The following TMEM108 variants were observed in gnomAD, a reference collection of about 807,000 sequenced individuals.
TMEM108 encodes transmembrane protein 108.
A neutral mutation model predicts 35.1 loss-of-function variants in TMEM108; 12 were observed. The observed-to-expected ratio is 0.34, with a 90% CI of 0.22 to 0.55. The LOEUF (loss-of-function observed/expected upper bound fraction) is 0.55. Among genes scored for constraint, TMEM108 ranks in the 20% least tolerant of loss-of-function variants. TMEM108 has a pLI of 0.89. For synonymous variants in TMEM108, 287 were observed against 308.6 expected (o/e 0.93, Z 0.73); for missense variants, 680 against 753.3 (o/e 0.90, Z 1.14).
intron 3 of TMEM108, among the ~76,000 whole-genome samples, chr3:133,239,222 T>G (rs984833653): frequency 1.3e-5 from 2 of 152,210 alleles, no homozygotes; most frequent in African/African-American, 4.8e-5. Flanking sequence ...TTTAGTGGCG[T>G]AGACCAGTTC....
intron 2 of TMEM108, among the ~76,000 whole-genome samples, chr3:133,056,817 A>G (rs1943471026): frequency 6.6e-6 from 1 of 152,216 alleles, no homozygotes. Flanking sequence ...TTTCATGGCC[A>G]CTGTCTGCAA....
chr3:133,231,170 A>G (rs1279749989), intron 3 of TMEM108, among the ~76,000 whole-genome samples: 12 of 152,236 alleles, frequency 7.9e-5, no homozygotes, highest in Non-Finnish European at 1.6e-4. Context: ...CTTGAGAACT[A>G]GCATCAACAC....
chr3:133,301,979 T>C (rs1328799423), intron 3 of TMEM108, among the ~76,000 whole-genome samples: 2 of 152,204 alleles, frequency 1.3e-5, no homozygotes, highest in Non-Finnish European at 2.9e-5. Context: ...TCTGATGTAA[T>C]GGATGACCCT....
At chr3:133,123,473 G>A (rs747341968) in intron 2 of TMEM108, among the ~76,000 whole-genome samples, 3 of 152,156 alleles carry the variant, frequency 2.0e-5, no homozygotes, top group Non-Finnish European at 4.4e-5. Flanking sequence ...AGAATGTCGT[G>A]TTTCTCCACA....
In TMEM108 at chr3:133,233,954, G is replaced by A. The variant is rs1478087733; in HGVS notation, c.40+4603G>A. ...TCTGGATATTAGCCCTTTGTCAGATGAGTAGGTTGTGAAAATTTTCTCCCA... is the reference window on the plus strand; with the variant it reads ...TCTGGATATTAGCCCTTTGTCAGATAAGTAGGTTGTGAAAATTTTCTCCCA... On this transcript the variant is annotated intron_variant, in intron 3 of 5. Transcript: ENST00000321871. Among the ~76,000 whole-genome samples the A allele has an allele frequency of 4.0e-5, 6 of 151,068 alleles. 1 individual carries two copies. The highest frequency in any genetic ancestry group is 8.9e-5 in the Non-Finnish European group (6 of 67,236).
chr3:133,106,225 G>A (rs1197439804), intron 2 of TMEM108, among the ~76,000 whole-genome samples: 1 of 138,162 alleles, frequency 7.2e-6, no homozygotes, highest in Admixed American at 7.8e-5. Flanking sequence ...TGGGTTTTGA[G>A]AAATAATGTT....
chr3:133,379,853 G>A lies in TMEM108; in HGVS notation c.142G>A (p.Gly48Arg). 2 of 1,613,848 alleles carry A rather than the reference G, an allele frequency of 1.2e-6. No homozygotes were observed. Among genetic ancestry groups the A allele is most frequent in the Non-Finnish European group, 1.7e-6 (2 of 1,179,904 alleles). ...LQVLPSGTPP[G>R]TMVTAPHSST... ...GGTCCTCCCTTCAGGCACTCCCCCG[G>A]GAACCATGGTGACAGCACCCCACAG... The change falls in exon 4 of 6, where the codon GGA becomes AGA. Residue 48 changes from glycine to arginine, a missense_variant. Coordinates refer to ENST00000321871, the MANE Select transcript of TMEM108 (RefSeq NM_023943.4).
chr3:133,350,662 G>A (rs894395431), intron 3 of TMEM108, among the ~76,000 whole-genome samples: 12 of 152,200 alleles, frequency 7.9e-5, no homozygotes, highest in South Asian at 4.2e-4. Flanking sequence ...CCTAAACTAG[G>A]AGTCAGGAAG....
chr3:133,379,776 C>G lies in TMEM108; in HGVS notation c.65C>G (p.Thr22Ser). The G allele has an allele frequency of 6.2e-7, 1 of 1,613,764 alleles. No homozygotes were observed. The highest frequency in any genetic ancestry group is 8.5e-7 in the Non-Finnish European group (1 of 1,179,806). ...GGTTTCCTGCTGATCTTGGCACTGACCGAAGCGCTGGCATTTGCCATCCAG... is the reference window on the plus strand; with the variant it reads ...GGTTTCCTGCTGATCTTGGCACTGAGCGAAGCGCTGGCATTTGCCATCCAG... ...LLSFLLILALTEALAFAIQEP... is the reference protein window; with the variant it reads ...LLSFLLILALSEALAFAIQEP... Residue 22 changes from threonine (T) to serine (S), a missense_variant, in exon 4 of 6, where the codon ACC (threonine) becomes AGC (serine). Physicochemically the swap from Thr to Ser is moderately conservative, Grantham distance 58 (BLOSUM62 1). This residue lies in a region of TMEM108 where 49 missense variants were observed against 70.6 expected (regional missense o/e 0.69). Coordinates refer to ENST00000321871, the MANE Select transcript of TMEM108 (RefSeq NM_023943.4).
At chr3:133,264,304 C>A (rs1576420471) in intron 3 of TMEM108, among the ~76,000 whole-genome samples, 2 of 148,534 alleles carry the variant, frequency 1.3e-5, no homozygotes, top group African/African-American at 2.5e-5. Flanking sequence ...GACTGAGTCT[C>A]AAAAAAAAAA....
rs138861847 is a variant in TMEM108, at chr3:133,387,796, C to G, written c.1451-2384C>G. On this transcript the variant is annotated intron_variant, in intron 4 of 5. Transcript: ENST00000321871. Reference sequence around the variant, plus strand: ...GGTTAAGTAACTTACTCAAGTCATGCAAGTAATAGATTGTCACCTAGATTC... The same window carrying G: ...GGTTAAGTAACTTACTCAAGTCATGGAAGTAATAGATTGTCACCTAGATTC... The G allele has an allele frequency of 8.7e-4, 847 of 969,846 alleles. 10 individuals are homozygous for G. The South Asian group carries it at 0.026, about 29-fold the overall frequency. 60.1% of individuals were successfully genotyped at this position (969,846 alleles called of 1,614,324 possible).
intron 3 of TMEM108, among the ~76,000 whole-genome samples, chr3:133,251,449 C>T (rs940333602): frequency 2.0e-5 from 3 of 152,128 alleles, no homozygotes; most frequent in Admixed American, 1.3e-4. Context: ...TATAGGCCAT[C>T]TGCTATAACA....
intron 3 of TMEM108, among the ~76,000 whole-genome samples, chr3:133,276,141 AT>A (rs113564106): frequency 0.014 from 2,170 of 152,340 alleles, 62 homozygotes; most frequent in African/African-American, 0.05. Context: ...ATTAAGATAA[AT>A]AGCAAACACA....
chr3:133,227,049 G>A (rs902433536), intron 2 of TMEM108, among the ~76,000 whole-genome samples: 20 of 152,078 alleles, frequency 1.3e-4, no homozygotes, highest in East Asian at 1.9e-4. Context: ...ACCCACCCCC[G>A]TGATTCAATT....
chr3:133,265,298 G>A (rs968062591), intron 3 of TMEM108, among the ~76,000 whole-genome samples: 11 of 152,150 alleles, frequency 7.2e-5, no homozygotes, highest in Non-Finnish European at 1.0e-4. Context: ...GAGGTTTGAT[G>A]TTCTACCTTG....
intron 3 of TMEM108, among the ~76,000 whole-genome samples, chr3:133,356,230 A>G (rs949543451): frequency 6.8e-6 from 1 of 146,204 alleles, no homozygotes; most frequent in African/African-American, 2.4e-5. Context: ...ACAACAGCTG[A>G]AAAAAAAAGA....
chr3:133,311,588 T>C (rs1467805187), intron 3 of TMEM108, among the ~76,000 whole-genome samples: 1 of 152,210 alleles, frequency 6.6e-6, no homozygotes, highest in Non-Finnish European at 1.5e-5. Context: ...TTCTCTACGC[T>C]GTTTATTCTA....
intron 2 of TMEM108, among the ~76,000 whole-genome samples, chr3:133,100,663 A>T (rs567558057): frequency 1.3e-5 from 2 of 152,346 alleles, no homozygotes; most frequent in South Asian, 4.1e-4. Context: ...CAATACCTCC[A>T]AAAGAGTATT....
chr3:133,294,443 G>A (rs1218776008), intron 3 of TMEM108, among the ~76,000 whole-genome samples: 1 of 152,164 alleles, frequency 6.6e-6, no homozygotes. Flanking sequence ...ATCACCTCAT[G>A]ATGACTCATC....
Sources: allele counts gnomAD v4.1 joint callset (sites outside exome capture counted in the v4.1 genomes callset), GRCh38; gene constraint gnomAD v4.1.1; regional missense constraint gnomAD v4.1.1; transcripts MANE v1.5; gene names NCBI Gene and HGNC (gene_info 2026-07-23, HGNC 2026-07-21).